Variants in PCDHA3 observed in about 807,000 individuals in gnomAD.
PCDHA3 encodes protocadherin alpha-3.
In PCDHA3, 41 loss-of-function variants were observed where a neutral mutation model predicts 62.2. That is an observed-to-expected ratio of 0.66 (90% CI 0.51 to 0.86). The LOEUF (loss-of-function observed/expected upper bound fraction) is 0.86. Ranked by LOEUF, PCDHA3 falls within the 40% of genes least tolerant of loss-of-function variation. The pLI, the probability that PCDHA3 is intolerant of heterozygous loss-of-function variation, is 0.00. For missense variants in PCDHA3, 1,304 were observed against 1,241.2 expected (o/e 1.05, Z -0.76); for synonymous variants, 640 against 555.4 (o/e 1.15, Z -2.14).
At chr5:140,809,680 C>A (rs1325474116) in intron 1 of PCDHA3, 11 of 1,338,242 alleles carry the variant, frequency 8.2e-6, no homozygotes, top group African/African-American at 1.5e-5. Flanking sequence ...AATTTTACCT[C>A]TTTTTACATA....
intron 1 of PCDHA3, among the ~76,000 whole-genome samples, chr5:140,955,335 A>G (rs538609650): frequency 6.6e-6 from 1 of 152,266 alleles, no homozygotes; most frequent in South Asian, 2.1e-4. Flanking sequence ...AGTTCCCATA[A>G]TCCCCACATG....
At chr5:140,917,340 T>TGGGGG (rs2078149834) in intron 1 of PCDHA3, among the ~76,000 whole-genome samples, 2 of 133,058 alleles carry the variant, frequency 1.5e-5, no homozygotes, top group African/African-American at 2.7e-5. Flanking sequence ...AGGGGGGGGA[T>TGGGGG]GGTGTAGGCT....
chr5:140,990,379 G>C (rs1554251452), intron 3 of PCDHA3, among the ~76,000 whole-genome samples: 3 of 152,092 alleles, frequency 2.0e-5, no homozygotes. Context: ...CAAATTTGTT[G>C]GTGATGTTCC....
chr5:140,801,942 G>GTCAGA lies in PCDHA3; in HGVS notation c.747_751dup (p.Leu251SerfsTer12), dbSNP rs782338092. On this transcript the variant is annotated frameshift_variant, in exon 1 of 4. Transcript: ENST00000522353. LOFTEE classifies it high-confidence loss of function. ...AGCGTTTGAGAGGACGATCTATAAA[G>GTCAGA]TCAGATTACTCGAAAATGCACCAAA... 61 of 1,614,190 alleles carry GTCAGA rather than the reference G, an allele frequency of 3.8e-5. 2 individuals carry two copies. In the South Asian group the frequency reaches 6.6e-4, roughly 17 times the overall value.
intron 1 of PCDHA3, among the ~76,000 whole-genome samples, chr5:140,838,064 G>T (rs1775403282): frequency 1.1e-5 from 1 of 88,812 alleles, no homozygotes; most frequent in African/African-American, 5.5e-5. Flanking sequence ...TCCACTTTAA[G>T]TTATATATAT....
intron 1 of PCDHA3, among the ~76,000 whole-genome samples, chr5:140,950,257 G>A (rs1255968081): frequency 6.6e-6 from 1 of 151,952 alleles, no homozygotes; most frequent in Non-Finnish European, 1.5e-5. Context: ...AAAGAGCTGA[G>A]TTTATCCATA....
Position 140,848,427 on chromosome 5 carries a change from A to G in PCDHA3, c.2394+44836A>G, listed in dbSNP as rs1781513413. The G allele has an allele frequency of 2.1e-6, 3 of 1,451,764 alleles. No homozygotes were observed. In the African/African-American group the frequency reaches 4.2e-5, roughly 20 times the overall value. The allele number at this position is 1,451,764 out of a possible 1,614,324, so 89.9% of individuals were successfully genotyped here. A position where few individuals can be genotyped will look rare whatever the true frequency, so the allele number is the denominator to read the frequency against. The stretch of plus-strand genomic sequence containing the variant: ...TGGCGAACACAGCAGAATGGGACTG[A>G]CGAAATCAGATGATTTCTTCTAATT... On this transcript the variant is annotated intron_variant, in intron 1 of 3. Coordinates refer to ENST00000522353, the MANE Select transcript of PCDHA3 (RefSeq NM_018906.3).
At chr5:140,822,008 T>G (rs2150112907) in intron 1 of PCDHA3, 2 of 1,614,166 alleles carry the variant, frequency 1.2e-6, no homozygotes, top group African/African-American at 2.7e-5. Context: ...GAGGTAAATC[T>G]GCAGAATGGC....
intron 1 of PCDHA3, among the ~76,000 whole-genome samples, chr5:140,892,931 G>A (rs77081198): frequency 0.011 from 1,609 of 152,196 alleles, 17 homozygotes; most frequent in African/African-American, 0.028. Flanking sequence ...CCCAGCCTCT[G>A]ATAAGCACAA....
intron 1 of PCDHA3, among the ~76,000 whole-genome samples, chr5:140,918,473 T>A (rs1385942505): frequency 6.6e-6 from 1 of 152,166 alleles, no homozygotes; most frequent in African/African-American, 2.4e-5. Context: ...ATTCCAAGTC[T>A]CAAGGGGAAT....
At chr5:140,881,993 A>C in intron 1 of PCDHA3, 1 of 454,088 alleles carries the variant, frequency 2.2e-6, no homozygotes, top group Non-Finnish European at 3.7e-6. Flanking sequence ...AATGTCAGGA[A>C]ATGCAAGGGG....
rs376660293 is a variant in PCDHA3 at position 141,011,766 on chromosome 5, A to C, written c.*1829A>C. ...ACCAATCTGACCTCTTTGAAGTTGCAGAATGCTTTGAAATTCTAATGGTAT... is the reference window on the plus strand; with the variant it reads ...ACCAATCTGACCTCTTTGAAGTTGCCGAATGCTTTGAAATTCTAATGGTAT... On this transcript the variant is annotated 3_prime_UTR_variant, in exon 4 of 4. Transcript: ENST00000522353. 2.6e-5 allele frequency: 4 copies of C among 153,796 alleles called. No homozygotes were observed. Among genetic ancestry groups the C allele is most frequent in the Non-Finnish European group, 5.9e-5 (4 of 68,044 alleles). 9.5% of individuals were successfully genotyped at this position (153,796 alleles called of 1,614,324 possible).
At chr5:140,864,663 C>G (rs75209206) in intron 1 of PCDHA3, 1 of 152,176 alleles carries the variant, frequency 6.6e-6, no homozygotes, top group African/African-American at 2.4e-5. Flanking sequence ...ACTTAATTAC[C>G]TGTTGACTTA....
chr5:140,911,626 T>C (rs1436086231), intron 1 of PCDHA3, among the ~76,000 whole-genome samples: 5 of 152,180 alleles, frequency 3.3e-5, no homozygotes, highest in African/African-American at 1.2e-4. Context: ...TCCCCACATA[T>C]GGTCAAAGGT....
intron 1 of PCDHA3, among the ~76,000 whole-genome samples, chr5:140,890,446 T>C (rs1554184296): frequency 6.6e-6 from 1 of 152,228 alleles, no homozygotes; most frequent in Admixed American, 6.5e-5. Context: ...CCTAGTGATA[T>C]CTTTAGGCAC....
At chr5:140,880,064 G>C (rs967410421) in intron 1 of PCDHA3, among the ~76,000 whole-genome samples, 2 of 152,148 alleles carry the variant, frequency 1.3e-5, no homozygotes, top group African/African-American at 2.4e-5. Context: ...ACTTTTTGGG[G>C]ACCACAATTC....
intron 3 of PCDHA3, among the ~76,000 whole-genome samples, chr5:140,997,458 G>A (rs1167865060): frequency 5.3e-5 from 8 of 152,070 alleles, no homozygotes; most frequent in African/African-American, 1.7e-4. Flanking sequence ...ACTGAATACT[G>A]TAGGCAATTT....
At chr5:140,877,585 T>A (rs2057227188) in intron 1 of PCDHA3, 1 of 1,613,836 alleles carries the variant, frequency 6.2e-7, no homozygotes, top group Non-Finnish European at 8.5e-7. Flanking sequence ...CATCGCCATC[T>A]GTGCGGTGTC....
intron 1 of PCDHA3, among the ~76,000 whole-genome samples, chr5:140,900,209 G>A (rs918328130): frequency 6.6e-6 from 1 of 152,146 alleles, no homozygotes; most frequent in Non-Finnish European, 1.5e-5. Context: ...GTTTCATCCA[G>A]GTTGTTGCAA....
Sources: gnomAD v4.1 joint callset for allele counts (sites outside exome capture counted in the v4.1 genomes callset) on GRCh38, gnomAD v4.1.1 for gene constraint, MANE v1.5 for transcripts, NCBI Gene and HGNC (gene_info 2026-07-23, HGNC 2026-07-21) for gene names.